The following IGSF21 variants were observed in gnomAD, a reference collection of about 807,000 sequenced individuals.
IGSF21 encodes the protein immunoglobulin superfamily member 21.
Under a neutral mutation model 46.8 loss-of-function variants are expected in IGSF21, and 28 were observed. That is an observed-to-expected ratio of 0.60 (90% confidence interval 0.44 to 0.82). The LOEUF (loss-of-function observed/expected upper bound fraction) is 0.82, where lower values mean the gene tolerates loss of function less well. Ranked by LOEUF, IGSF21 falls within the 40% of genes least tolerant of loss-of-function variation. The pLI, the probability that IGSF21 is intolerant of heterozygous loss-of-function variation, is 0.00. For missense variants in IGSF21, 624 were observed against 665.5 expected, an observed-to-expected ratio of 0.94 and a Z score of 0.69; for synonymous variants, 284 against 273.6, an observed-to-expected ratio of 1.04 and a Z score of -0.38.
At chr1:18,128,603 G>T (rs1368771718) in intron 1 of IGSF21, among the ~76,000 whole-genome samples, 1 of 152,142 alleles carries the variant, frequency 6.6e-6, no homozygotes, top group African/African-American at 2.4e-5. Flanking sequence ...CCAGGCCCCA[G>T]GGAAGCAATT....
At chr1:18,108,244 G>T (rs1265575908) in intron 1 of IGSF21, 46 bp downstream of exon 1, 2 of 1,318,358 alleles carry the variant, frequency 1.5e-6, no homozygotes, top group Non-Finnish European at 1.9e-6. Context: ...GAACGTGCGC[G>T]GGGACGGGGT....
chr1:18,121,465 G>A (rs2086232892), intron 1 of IGSF21, among the ~76,000 whole-genome samples: 1 of 151,994 alleles, frequency 6.6e-6, no homozygotes, highest in Admixed American at 6.5e-5. Flanking sequence ...TGTTGAAATT[G>A]ACTTTGATGA....
chr1:18,360,192 C>CA (rs1277061951), intron 4 of IGSF21, among the ~76,000 whole-genome samples: 1 of 152,168 alleles, frequency 6.6e-6, no homozygotes, highest in Non-Finnish European at 1.5e-5. Flanking sequence ...GCAGAATCTG[C>CA]AATTTCTAGG....
intron 1 of IGSF21, among the ~76,000 whole-genome samples, chr1:18,188,538 C>T (rs190926407): frequency 5.2e-4 from 79 of 152,208 alleles, no homozygotes; most frequent in Non-Finnish European, 4.1e-4. Flanking sequence ...AAATTAATAA[C>T]GGTGACATTT....
Position 18,125,079 on chromosome 1 carries a change from T to A in IGSF21, c.70+16881T>A, listed in dbSNP as rs1372427462. On this transcript the variant is annotated intron_variant, in intron 1 of 9. Transcript: ENST00000251296. ...GGGAAGAAGAGGAGGATGGTTGCCA[T>A]CTGAGGGACTCACTGGAGAGACATA... Among the ~76,000 whole-genome samples, 3 of 152,098 alleles carry A rather than the reference T, an allele frequency of 2.0e-5. No individual in the cohort carries two copies. In the East Asian group the frequency reaches 5.8e-4, roughly 29 times the overall value.
chr1:18,257,958 C>A (rs1429110734), intron 2 of IGSF21, among the ~76,000 whole-genome samples: 1 of 152,152 alleles, frequency 6.6e-6, no homozygotes, highest in Non-Finnish European at 1.5e-5. Context: ...GTGAGTGATG[C>A]TCTTCATTGA....
At chr1:18,225,085 T>TCA (rs529286231) in intron 1 of IGSF21, among the ~76,000 whole-genome samples, 1,006 of 51,584 alleles carry the variant, frequency 0.02, 57 homozygotes, top group African/African-American at 0.066. Flanking sequence ...TCTCTCTCTC[T>TCA]CACACACACA....
intron 1 of IGSF21, among the ~76,000 whole-genome samples, chr1:18,135,069 C>T (rs1171889629): frequency 6.6e-6 from 1 of 152,100 alleles, no homozygotes; most frequent in Non-Finnish European, 1.5e-5. Context: ...AGATGAGGAC[C>T]CCAAACCCCA....
intron 1 of IGSF21, among the ~76,000 whole-genome samples, chr1:18,140,932 C>T (rs1249238818): frequency 6.6e-6 from 1 of 152,194 alleles, no homozygotes; most frequent in Non-Finnish European, 1.5e-5. Flanking sequence ...TCTTGTACAC[C>T]CCTTAGCCCT....
intron 5 of IGSF21, among the ~76,000 whole-genome samples, chr1:18,362,601 T>C (rs1262890416): frequency 2.6e-5 from 4 of 152,070 alleles, no homozygotes; most frequent in Admixed American, 1.3e-4. Flanking sequence ...CAAGTCACCA[T>C]GGCACTCCTG....
chr1:18,251,300 C>T (rs1441037568), intron 2 of IGSF21, among the ~76,000 whole-genome samples: 1 of 152,180 alleles, frequency 6.6e-6, no homozygotes, highest in African/African-American at 2.4e-5. Context: ...ATAGACTGGA[C>T]TGTAGGGGAG....
At chr1:18,287,203 A>AAAT in intron 2 of IGSF21, among the ~76,000 whole-genome samples, 1 of 147,092 alleles carries the variant, frequency 6.8e-6, no homozygotes, top group Non-Finnish European at 1.5e-5. Flanking sequence ...TAAAATAAAT[A>AAAT]AATAAATAAA....
intron 1 of IGSF21, chr1:18,110,429 G>C (rs1327170641): frequency 1.3e-5 from 2 of 152,362 alleles, no homozygotes; most frequent in Non-Finnish European, 2.9e-5. Context: ...GTGGCCGAGA[G>C]AGGTGCACCT....
intron 4 of IGSF21, among the ~76,000 whole-genome samples, chr1:18,338,885 G>C (rs904625159): frequency 6.6e-6 from 1 of 151,852 alleles, no homozygotes; most frequent in African/African-American, 2.4e-5. Context: ...GGTTCTTCTG[G>C]GGGTGCAGGT....
At chr1:18,305,987 C>CTT (rs1342415128) in intron 3 of IGSF21, among the ~76,000 whole-genome samples, 1 of 152,218 alleles carries the variant, frequency 6.6e-6, no homozygotes, top group East Asian at 1.9e-4. Context: ...CAGCTCACAA[C>CTT]TTAGGTCCTT....
intron 2 of IGSF21, among the ~76,000 whole-genome samples, chr1:18,266,954 T>A (rs1249650974): frequency 6.6e-6 from 1 of 152,104 alleles, no homozygotes; most frequent in African/African-American, 2.4e-5. Flanking sequence ...CAATGAAAGC[T>A]CTCTGCTTTC....
intron 2 of IGSF21, among the ~76,000 whole-genome samples, chr1:18,243,768 C>T (rs984027610): frequency 2.0e-5 from 3 of 152,158 alleles, no homozygotes; most frequent in African/African-American, 4.8e-5. Context: ...TGTGCAGGCC[C>T]TTGTGTTGGG....
chr1:18,248,347 A>C (rs1370332726), intron 2 of IGSF21, among the ~76,000 whole-genome samples: 4 of 152,224 alleles, frequency 2.6e-5, no homozygotes, highest in Non-Finnish European at 5.9e-5. Context: ...TTTGCACAGC[A>C]TAGCGGGGGC....
At position 18,341,076 on chromosome 1, in the gene IGSF21, TCTCCTC is replaced by T. The variant is rs67935132; in HGVS notation, c.424+6081_424+6086del. ...CTCTTCCTCTTCTTCTTCTTCTTCTTCTCCTCCTCCTCCTCCTCCTTCTCCTCCTCC... is the reference window on the plus strand; with the variant it reads ...CTCTTCCTCTTCTTCTTCTTCTTCTTCTCCTCCTCCTCCTTCTCCTCCTCC... On this transcript the variant is annotated intron_variant, in intron 4 of 9. Coordinates refer to ENST00000251296, the MANE Select transcript of IGSF21 (RefSeq NM_032880.5). 8.3e-3 allele frequency among the ~76,000 whole-genome samples: 816 copies of T among 98,306 alleles called. 20 individuals carry two copies. The highest frequency in any genetic ancestry group is 0.019 in the East Asian group (55 of 2,824). The allele number at this position is 98,306 out of a possible 152,430, so 64.5% of individuals were successfully genotyped here.
Sources: gnomAD v4.1 joint callset for allele counts (sites outside exome capture counted in the v4.1 genomes callset) on GRCh38, gnomAD v4.1.1 for gene constraint, MANE v1.5 for transcripts, NCBI Gene and HGNC (gene_info 2026-07-23, HGNC 2026-07-21) for gene names.